Variants in PKHD1 observed in about 807,000 individuals in gnomAD.
The protein encoded by PKHD1 is fibrocystin.
PKHD1 carries 291 observed loss-of-function variants against 412.0 expected under a neutral mutation model. The ratio of observed to expected loss-of-function variants is 0.71; its 90% CI spans 0.64 to 0.78. The LOEUF (loss-of-function observed/expected upper bound fraction) is 0.78. PKHD1 is among the 30% of genes least tolerant of loss of function. The probability of loss-of-function intolerance (pLI) is 0.00; values close to 1 mark genes in which losing one functional copy is unlikely to be tolerated. For missense variants in PKHD1, 4,825 were observed against 4,950.7 expected (o/e 0.97, Z 0.76); for synonymous variants, 1,777 against 1,821.5 (o/e 0.98, Z 0.62).
intron 36 of PKHD1, among the ~76,000 whole-genome samples, chr6:51,958,842 C>CACAA (rs1440427724): frequency 6.8e-6 from 1 of 146,444 alleles, no homozygotes; most frequent in Non-Finnish European, 1.5e-5. Flanking sequence ...CACACACAAA[C>CACAA]ACACACACAC....
At chr6:51,689,550 A>T (rs2150615495) in intron 60 of PKHD1, among the ~76,000 whole-genome samples, 1 of 152,350 alleles carries the variant, frequency 6.6e-6, no homozygotes, top group Admixed American at 6.5e-5. Flanking sequence ...AGAAGAAAGC[A>T]AACTATCCTT....
chr6:52,014,013 A>G (rs1800138737), intron 34 of PKHD1, among the ~76,000 whole-genome samples: 1 of 152,182 alleles, frequency 6.6e-6, no homozygotes, highest in Admixed American at 6.5e-5. Context: ...TCCAGTCTCA[A>G]CACTGCCATG....
chr6:51,913,722 C>T (rs1783344769), intron 37 of PKHD1, among the ~76,000 whole-genome samples: 1 of 152,028 alleles, frequency 6.6e-6, no homozygotes, highest in African/African-American at 2.4e-5. Context: ...TTAAACTTTC[C>T]TCTTTATTTA....
chr6:52,023,791 A>C (rs1801746232), intron 32 of PKHD1, among the ~76,000 whole-genome samples: 1 of 152,170 alleles, frequency 6.6e-6, no homozygotes, highest in Admixed American at 6.5e-5. Context: ...TGCCTTTATC[A>C]AATAAGGAAG....
intron 52 of PKHD1, among the ~76,000 whole-genome samples, chr6:51,797,521 T>C (rs575195510): frequency 2.7e-4 from 41 of 152,332 alleles, no homozygotes; most frequent in Non-Finnish European, 5.4e-4. Context: ...AGTTAGCTCT[T>C]CTTGTTGAAT....
rs1367003358 is a variant in PKHD1, at chr6:52,024,981, T to C, written c.4829A>G (p.Gln1610Arg). The C allele has an allele frequency of 6.2e-7, 1 of 1,614,152 alleles. No homozygotes were observed. The highest frequency in any genetic ancestry group is 8.5e-7 in the Non-Finnish European group (1 of 1,180,062). ...GQNTTSVYID[Q>R]QTCLTVNIGA... ...GATGTTCACCGTCAGGCAGGTCTGC[T>C]GGTCAATATAGACTGACGTGGTGTT... Residue 1610 changes from glutamine to arginine, a missense_variant, in exon 32 of 67, where the codon CAG (glutamine) becomes CGG (arginine). Transcript: ENST00000371117.
chr6:51,844,714 A>G (rs572672778), intron 50 of PKHD1, among the ~76,000 whole-genome samples: 1 of 152,332 alleles, frequency 6.6e-6, no homozygotes, highest in African/African-American at 2.4e-5. Context: ...TGGTAAAACA[A>G]TACAAAAGAT....
intron 52 of PKHD1, among the ~76,000 whole-genome samples, chr6:51,827,273 T>C (rs1767466856): frequency 1.3e-5 from 2 of 151,962 alleles, no homozygotes; most frequent in African/African-American, 2.4e-5. Context: ...GATGGAAAAA[T>C]GAAGGAAAAG....
intron 52 of PKHD1, among the ~76,000 whole-genome samples, chr6:51,793,265 T>TA (rs1290600798): frequency 1.3e-5 from 2 of 152,228 alleles, no homozygotes; most frequent in South Asian, 2.1e-4. Flanking sequence ...GCACACATTT[T>TA]ATGGGTTCAT....
At chr6:51,988,791 G>A (rs1012355063) in intron 35 of PKHD1, among the ~76,000 whole-genome samples, 2 of 152,152 alleles carry the variant, frequency 1.3e-5, no homozygotes, top group African/African-American at 4.8e-5. Context: ...CAAGGACCCA[G>A]GACCTTGGCG....
chr6:51,801,654 T>TGTGAGAGAGAGA (rs751203950), intron 52 of PKHD1, among the ~76,000 whole-genome samples: 3 of 114,210 alleles, frequency 2.6e-5, no homozygotes, highest in Non-Finnish European at 3.6e-5. Context: ...TGTGTGTGTG[T>TGTGAGAGAGAGA]GAGAGAGAGA....
At chr6:52,001,768 CAG>C (rs1562101757) in intron 35 of PKHD1, among the ~76,000 whole-genome samples, 1 of 152,084 alleles carries the variant, frequency 6.6e-6, no homozygotes, top group African/African-American at 2.4e-5. Flanking sequence ...CAGCAAGAAA[CAG>C]AGGTATGCAA....
chr6:51,780,273 C>A (rs776801741), intron 53 of PKHD1, among the ~76,000 whole-genome samples: 5 of 151,970 alleles, frequency 3.3e-5, no homozygotes, highest in African/African-American at 7.3e-5. Flanking sequence ...GTAGTCTCAG[C>A]TACTCAAGAG....
rs143654026 is a variant in PKHD1 at position 51,894,755 on chromosome 6, C to T, written c.6997-7510G>A. Among the ~76,000 whole-genome samples, 377 of 152,296 alleles carry T rather than the reference C, an allele frequency of 2.5e-3. 3 individuals are homozygous for T. The highest frequency in any genetic ancestry group is 8.1e-3 in the African/African-American group (337 of 41,560). The stretch of plus-strand genomic sequence containing the variant: ...CCAAACATGAAGATTAGGCCATCTT[C>T]TTCAAGTCTAAATAAATACATTTGT... On this transcript the variant is annotated intron_variant, in intron 43 of 66. Coordinates refer to ENST00000371117, the MANE Select transcript of PKHD1 (RefSeq NM_138694.4).
chr6:51,772,566 C>G, intron 55 of PKHD1, 136 bp downstream of exon 55: 1 of 547,028 alleles, frequency 1.8e-6, no homozygotes, highest in Non-Finnish European at 3.3e-6. Flanking sequence ...TCCCTATAAT[C>G]GCTTATTTTT....
Position 52,079,978 on chromosome 6 carries a change from C to T in PKHD1, c.312G>A (p.Leu104=), listed in dbSNP as rs2128240465. 1.2e-6 allele frequency: 2 copies of T among 1,610,476 alleles called. No individual in the cohort carries two copies. The highest frequency in any genetic ancestry group is 1.7e-6 in the Non-Finnish European group (2 of 1,176,718). The stretch of plus-strand genomic sequence containing the variant: ...CCCCGAAGTATGCTTCCAGGAAGTA[C>T]AGACCCTCATGTGCTTCAGACAGCA... ...RSVLSEAHEG[L]YFLEAYFGGQ... Residue 104 remains leucine (L), a synonymous_variant, in exon 5 of 67, where the codon CTG becomes CTA. Transcript: ENST00000371117.
chr6:51,734,569 C>A lies in PKHD1; in HGVS notation c.10156+9816G>T, dbSNP rs576908733. 7.7e-3 allele frequency among the ~76,000 whole-genome samples: 1,165 copies of A among 152,122 alleles called. 4 individuals are homozygous for A. Among genetic ancestry groups the A allele is most frequent in the Non-Finnish European group, 0.013 (855 of 68,012 alleles). ...CAGACTTGTAAAATGATGGCGGTAA[C>A]CCACGAGAGGGGCTGTAATGGAGCT... On this transcript the variant is annotated intron_variant, in intron 60 of 66. Transcript: ENST00000371117.
intron 66 of PKHD1, among the ~76,000 whole-genome samples, chr6:51,623,091 T>G (rs1766830620): frequency 6.6e-6 from 1 of 152,148 alleles, no homozygotes; most frequent in Non-Finnish European, 1.5e-5. Flanking sequence ...ATCTATTTAT[T>G]TTAGAAAATT....
intron 20 of PKHD1, 43 bp downstream of exon 20, chr6:52,053,995 C>T: frequency 6.2e-7 from 1 of 1,611,282 alleles, no homozygotes; most frequent in South Asian, 1.1e-5. Context: ...TGAATCCTCC[C>T]AGCTGACTGA....
Sources: gnomAD v4.1 joint callset for allele counts (sites outside exome capture counted in the v4.1 genomes callset) on GRCh38, gnomAD v4.1.1 for gene constraint, MANE v1.5 for transcripts, NCBI Gene and HGNC (gene_info 2026-07-23, HGNC 2026-07-21) for gene names.